The following DCLK3 variants were observed in gnomAD, a reference collection of about 807,000 sequenced individuals.
The protein encoded by DCLK3 is doublecortin like kinase 3, also known as serine/threonine-protein kinase DCLK3.
In DCLK3, 30 loss-of-function variants were observed where a neutral mutation model predicts 46.4. The observed-to-expected ratio is 0.65, with a 90% CI of 0.48 to 0.88. The LOEUF (loss-of-function observed/expected upper bound fraction) is 0.88. Ranked by LOEUF, DCLK3 falls within the 40% of genes least tolerant of loss-of-function variation. The probability of loss-of-function intolerance (pLI) is 0.00; values close to 1 mark genes in which losing one functional copy is unlikely to be tolerated. For synonymous variants in DCLK3, 401 were observed against 339.2 expected, an observed-to-expected ratio of 1.18 and a Z score of -2.00; for missense variants, 846 against 907.1, an observed-to-expected ratio of 0.93 and a Z score of 0.87.
chr3:36,733,520 G>A (rs6808243), intron 2 of DCLK3, among the ~76,000 whole-genome samples: 120,446 of 151,440 alleles, frequency 0.8, 48,290 homozygotes, highest in Middle Eastern at 0.87. Context: ...CACCCTCTGT[G>A]AGCTGGTCTA....
chr3:36,751,063 T>TAAAAAAAAAAAAAAAAAAAAAAAA lies in DCLK3; in HGVS notation c.83-11980_83-11979insTTTTTTTTTTTTTTTTTTTTTTTT, dbSNP rs5847933. ...TGATATCCCTGTAGACGGGATGATCTAAAAAAAAAAAAAAAAAAAAAAACT... is the reference window on the plus strand; with the variant it reads ...TGATATCCCTGTAGACGGGATGATCTAAAAAAAAAAAAAAAAAAAAAAAAAAAAAAAAAAAAAAAAAAAAAAACT... On this transcript the variant is annotated intron_variant, in intron 1 of 4. Transcript: ENST00000636136. Among the ~76,000 whole-genome samples the TAAAAAAAAAAAAAAAAAAAAAAAA allele has an allele frequency of 3.9e-5, 3 of 76,494 alleles. 1 individual carries two copies. The allele number at this position is 76,494 out of a possible 152,430, so 50.2% of individuals were successfully genotyped here.
At chr3:36,731,470 C>CT in intron 2 of DCLK3, among the ~76,000 whole-genome samples, 1 of 152,152 alleles carries the variant, frequency 6.6e-6, no homozygotes, top group Middle Eastern at 3.4e-3. Flanking sequence ...CACACACACA[C>CT]ACACACACAC....
In DCLK3 at chr3:36,732,668, T is replaced by C. The variant is rs564210479; in HGVS notation, c.1959+4540A>G. On this transcript the variant is annotated intron_variant, in intron 2 of 4. Coordinates refer to ENST00000636136, the MANE Select transcript of DCLK3 (RefSeq NM_001394672.2). ...TATTTTATTAAGTAGAGCTTAAGTATACTTCATAGTTGTTACTAGTTTTTT... is the reference window on the plus strand; with the variant it reads ...TATTTTATTAAGTAGAGCTTAAGTACACTTCATAGTTGTTACTAGTTTTTT... Among the ~76,000 whole-genome samples the C allele has an allele frequency of 3.3e-5, 5 of 152,364 alleles. No homozygotes were observed. In the East Asian group the frequency reaches 9.6e-4, roughly 29 times the overall value.
intron 2 of DCLK3, among the ~76,000 whole-genome samples, chr3:36,736,120 C>T (rs553509953): frequency 1.3e-5 from 2 of 152,298 alleles, no homozygotes; most frequent in South Asian, 4.1e-4. Flanking sequence ...TAAGGGAGAA[C>T]ACGTACTGTT....
chr3:36,762,758 T>C (rs950999446), intron 1 of DCLK3, among the ~76,000 whole-genome samples: 1 of 152,182 alleles, frequency 6.6e-6, no homozygotes, highest in African/African-American at 2.4e-5. Flanking sequence ...CGCACCAAGA[T>C]GGCAAAGCTC....
intron 2 of DCLK3, among the ~76,000 whole-genome samples, chr3:36,729,257 G>T (rs955199269): frequency 8.6e-5 from 13 of 150,524 alleles, no homozygotes; most frequent in Non-Finnish European, 1.6e-4. Flanking sequence ...GTGGGGGGGG[G>T]GGGTACAAAA....
In DCLK3 at chr3:36,764,144, GC is replaced by G; in HGVS notation, c.82+37del. On this transcript the variant is annotated intron_variant, in intron 1 of 4. Transcript: ENST00000636136. The surrounding 1 kb of genome is among the most constrained non-coding windows in gnomAD (Gnocchi z 4.9). ...GTCCTCCCGCCCCCGCCAAGGTGGC[GC>G]CCAGAACGGGTCGGTGCCGGAGCGC... 3.0e-6 allele frequency: 1 copy of G among 329,114 alleles called. No homozygotes were observed. The highest frequency in any genetic ancestry group is 5.5e-6 in the Non-Finnish European group (1 of 180,670). 20.4% of individuals were successfully genotyped at this position (329,114 alleles called of 1,614,324 possible). A position where few individuals can be genotyped will look rare whatever the true frequency, so the allele number is the denominator to read the frequency against.
At chr3:36,725,782 G>T (rs1575136890) in intron 2 of DCLK3, among the ~76,000 whole-genome samples, 1 of 152,318 alleles carries the variant, frequency 6.6e-6, no homozygotes, top group Non-Finnish European at 1.5e-5. Context: ...GGTAGAATTG[G>T]TCAATTTTTA....
rs991315184 is a variant in DCLK3 at position 36,714,917 on chromosome 3, G to C, written c.*411C>G. On this transcript the variant is annotated 3_prime_UTR_variant, in exon 5 of 5. Coordinates refer to ENST00000636136, the MANE Select transcript of DCLK3 (RefSeq NM_001394672.2). ...AGCACAAAGAAGTAATCAGAATACA[G>C]GCCCACTTCTGTTATTCAGAGCACA... is the stretch of plus-strand genomic sequence containing the variant. 3 of 166,624 alleles carry C rather than the reference G, an allele frequency of 1.8e-5. No homozygotes were observed. Among genetic ancestry groups the C allele is most frequent in the Non-Finnish European group, 2.6e-5 (2 of 76,858 alleles). 10.3% of individuals were successfully genotyped at this position (166,624 alleles called of 1,614,324 possible).
rs527469059 is a variant in DCLK3, at chr3:36,740,523, T to C, written c.83-1439A>G. Among the ~76,000 whole-genome samples, 23 of 152,346 alleles carry C rather than the reference T, an allele frequency of 1.5e-4. No homozygotes were observed. The South Asian group carries it at 4.3e-3, about 29-fold the overall frequency. On this transcript the variant is annotated intron_variant, in intron 1 of 4. Transcript: ENST00000636136. ...CTTGTCCAGATGGTTTTCCCTCTTC[T>C]TATTTAAAAAATGTAAAGAAACCAA... is the stretch of plus-strand genomic sequence containing the variant.
chr3:36,743,776 TC>T (rs1410584638), intron 1 of DCLK3, among the ~76,000 whole-genome samples: 2 of 152,086 alleles, frequency 1.3e-5, no homozygotes, highest in Admixed American at 1.3e-4. Context: ...CTTATTAGCC[TC>T]CTTGAGTTCC....
chr3:36,761,639 G>A (rs774695488), intron 1 of DCLK3, among the ~76,000 whole-genome samples: 1 of 152,196 alleles, frequency 6.6e-6, no homozygotes, highest in Non-Finnish European at 1.5e-5. Context: ...AACTCAGGAT[G>A]CCAGATCAGA....
At chr3:36,761,851 C>T (rs1701543261) in intron 1 of DCLK3, among the ~76,000 whole-genome samples, 5 of 152,140 alleles carry the variant, frequency 3.3e-5, no homozygotes, top group Admixed American at 3.3e-4. Flanking sequence ...ATTGAGATTC[C>T]ACCAGCCAAA....
chr3:36,759,737 C>CCA (rs1701521723), intron 1 of DCLK3, among the ~76,000 whole-genome samples: 1 of 152,146 alleles, frequency 6.6e-6, no homozygotes, highest in African/African-American at 2.4e-5. Context: ...GAATACTATT[C>CCA]CACACACTCT....
At position 36,738,462 on chromosome 3, in the gene DCLK3, A is replaced by C; in HGVS notation, c.705T>G (p.Val235=). The change falls in exon 2 of 5, where the codon GTT becomes GTG. Residue 235 remains valine, a synonymous_variant. Coordinates refer to ENST00000636136, the MANE Select transcript of DCLK3 (RefSeq NM_001394672.2). ...GCCTCATGGCTGCCTTGCATCCTGC[A>C]ACTTCGCTGCAGCTCTTGGGGGTCT... ...ETETPKSCSE[V]AGCKAAMRHQ... 1 of 1,463,224 alleles carries C rather than the reference A, an allele frequency of 6.8e-7. No homozygotes were observed. Among genetic ancestry groups the C allele is most frequent in the Non-Finnish European group, 9.0e-7 (1 of 1,107,124 alleles). 90.6% of individuals were successfully genotyped at this position (1,463,224 alleles called of 1,614,324 possible).
In DCLK3 at chr3:36,738,345, A is replaced by C. The variant is rs568179590; in HGVS notation, c.822T>G (p.Ser274Arg). 6.6e-7 allele frequency: 1 copy of C among 1,504,958 alleles called. No homozygotes were observed. The allele number at this position is 1,504,958 out of a possible 1,614,324, so 93.2% of individuals were successfully genotyped here. Residue 274 changes from serine (S) to arginine (R), a missense_variant, in exon 2 of 5, where the codon AGT becomes AGG. Around this residue, in one of 3 missense-constraint regions of DCLK3, gnomAD observed 553 missense variants for 543.0 expected, o/e 1.02. Coordinates refer to ENST00000636136, the MANE Select transcript of DCLK3 (RefSeq NM_001394672.2). ...GAGTGGCTTCCCTGGGGGGCTTGCT[A>C]CTGGGTTCTGGCTCCCATTTCCCCC... is the stretch of plus-strand genomic sequence containing the variant. ...WGRGKWEPEPSSKPPREATLE... is the reference protein window; with the variant it reads ...WGRGKWEPEPRSKPPREATLE...
chr3:36,719,591 C>A (rs774411805), intron 3 of DCLK3, among the ~76,000 whole-genome samples: 2 of 152,148 alleles, frequency 1.3e-5, no homozygotes, highest in African/African-American at 2.4e-5. Flanking sequence ...TTCTCTCATC[C>A]CTGAGCTCTT....
At position 36,718,063 on chromosome 3, in the gene DCLK3, A is replaced by T; in HGVS notation, c.2207T>A (p.Ile736Asn). 1 of 1,614,150 alleles carries T rather than the reference A, an allele frequency of 6.2e-7. No homozygotes were observed. Among genetic ancestry groups the T allele is most frequent in the Non-Finnish European group, 8.5e-7 (1 of 1,180,012 alleles). The change falls in exon 4 of 5, where the codon ATC becomes AAC. Residue 736 changes from isoleucine (I) to asparagine (N), a missense_variant. Coordinates refer to ENST00000636136, the MANE Select transcript of DCLK3 (RefSeq NM_001394672.2). The part of the protein sequence containing the change: ...ERDQDELFNI[I>N]QLGHFEFLPP... ...GAGGAACTCAAAGTGGCCCAGCTGG[A>T]TGATGTTAAAGAGCTCGTCCTGGTC... is the stretch of plus-strand genomic sequence containing the variant.
rs115341885 is a variant in DCLK3 at position 36,723,501 on chromosome 3, T to A, written c.1960-1842A>T. The stretch of plus-strand genomic sequence containing the variant: ...GAGGTCTTCATGGCACCCCATCCTA[T>A]CACAGGTGTAGAGACCTACAAGGAA... On this transcript the variant is annotated intron_variant, in intron 2 of 4. Coordinates refer to ENST00000636136, the MANE Select transcript of DCLK3 (RefSeq NM_001394672.2). 5.6e-3 allele frequency among the ~76,000 whole-genome samples: 860 copies of A among 152,248 alleles called. 7 individuals are homozygous for A. The highest frequency in any genetic ancestry group is 0.02 in the African/African-American group (816 of 41,530).
Sources: gnomAD v4.1 joint callset for allele counts (sites outside exome capture counted in the v4.1 genomes callset) on GRCh38, gnomAD v4.1.1 for gene constraint, gnomAD v4.1.1 regional missense constraint, Gnocchi (gnomAD v3.1) non-coding constraint, MANE v1.5 for transcripts, NCBI Gene and HGNC (gene_info 2026-07-23, HGNC 2026-07-21) for gene names.